NGB: variants seen among roughly 807,000 people sequenced by gnomAD.
NGB encodes the protein neuroglobin, also known as nitrite reductase.
A neutral mutation model predicts 17.3 loss-of-function variants in NGB; 12 were observed. The ratio of observed to expected loss-of-function variants is 0.69; its 90% CI spans 0.45 to 1.13. NGB has a LOEUF of 1.13. Among genes scored for constraint, NGB ranks in the 50% most tolerant of loss-of-function variants. The probability of loss-of-function intolerance (pLI) is 0.00; values close to 1 mark genes in which losing one functional copy is unlikely to be tolerated. For missense variants in NGB, 195 were observed against 191.7 expected (o/e 1.02, Z -0.10); for synonymous variants, 87 against 81.0 (o/e 1.07, Z -0.40).
In NGB at chr14:77,269,288, T is replaced by C. The variant is rs770033097; in HGVS notation, c.128A>G (p.Gln43Arg). ...ALEPDLLPLF[Q>R]YNCRQFSSPE... The stretch of plus-strand genomic sequence containing the variant: ...GCTGGAGAACTGGCGGCAGTTGTAC[T>C]GGAAGAGGGGCAGCAGGTCAGGCTC... Residue 43 changes from glutamine (Q) to arginine (R), a missense_variant, in exon 2 of 4, where the codon CAG becomes CGG. Physicochemically the swap from Gln to Arg is conservative, Grantham distance 43. Transcript: ENST00000298352. 1.9e-5 allele frequency: 29 copies of C among 1,551,632 alleles called. No individual in the cohort carries two copies. Among genetic ancestry groups the C allele is most frequent in the Non-Finnish European group, 2.3e-5 (26 of 1,146,920 alleles).
At chr14:77,266,833 G>T (rs1889679384) in intron 3 of NGB, among the ~76,000 whole-genome samples, 163 bp from the exon 4 acceptor site, 1 of 152,088 alleles carries the variant, frequency 6.6e-6, no homozygotes, top group Non-Finnish European at 1.5e-5. Flanking sequence ...CCAAATCCTT[G>T]GGTATCACAT....
chr14:77,269,427 G>T, intron 1 of NGB, 101 bp from the exon 2 acceptor site: 1 of 723,952 alleles, frequency 1.4e-6, no homozygotes, highest in East Asian at 2.8e-5. Context: ...TGCCAAGCCA[G>T]GTCTCAGCTG....
In NGB at chr14:77,265,953, T is replaced by C. The variant is rs1327703286; in HGVS notation, c.*583A>G. On this transcript the variant is annotated 3_prime_UTR_variant, in exon 4 of 4. Coordinates refer to ENST00000298352, the MANE Select transcript of NGB (RefSeq NM_021257.4). The surrounding 1 kb of genome is among the most constrained non-coding windows in gnomAD (Gnocchi z 4.7). Reference sequence around the variant, plus strand: ...ATCTGCACAGCCCGCGAGACTCAAATGAGACCCATTGAGACCCAGGTCCCC... The same window carrying C: ...ATCTGCACAGCCCGCGAGACTCAAACGAGACCCATTGAGACCCAGGTCCCC... The C allele has an allele frequency of 7.5e-6, 2 of 267,264 alleles. No homozygotes were observed. Among genetic ancestry groups the C allele is most frequent in the South Asian group, 4.1e-5 (1 of 24,266 alleles). 16.6% of individuals were successfully genotyped at this position (267,264 alleles called of 1,614,324 possible). A position where few individuals can be genotyped will look rare whatever the true frequency, so the allele number is the denominator to read the frequency against.
Position 77,269,387 on chromosome 14 carries a change from C to G in NGB, c.90-61G>C. 5 of 1,169,016 alleles carry G rather than the reference C, an allele frequency of 4.3e-6. No homozygotes were observed. In the South Asian group the frequency reaches 6.7e-5, roughly 16 times the overall value. 72.4% of individuals were successfully genotyped at this position (1,169,016 alleles called of 1,614,324 possible). A position where few individuals can be genotyped will look rare whatever the true frequency, so the allele number is the denominator to read the frequency against. The stretch of plus-strand genomic sequence containing the variant: ...GTGAGCTCCTGCAAGCCCCAGCAAG[C>G]CTGGCTGTCCTGCAGTCAGCGGGCG... On this transcript the variant is annotated intron_variant, in intron 1 of 3. Transcript: ENST00000298352.
rs1322964648 is a variant in NGB, at chr14:77,270,881, G to C, written c.57C>G (p.Ser19Arg). Residue 19 changes from serine (S) to arginine (R), a missense_variant, in exon 1 of 4, where the codon AGC becomes AGG. Ser to Arg is a moderately radical substitution (Grantham distance 110). Coordinates refer to ENST00000298352, the MANE Select transcript of NGB (RefSeq NM_021257.4). ...IRQSWRAVSR[S>R]PLEHGTVLFA... The stretch of plus-strand genomic sequence containing the variant: ...ACAGGACGGTGCCGTGCTCCAGCGG[G>C]CTGCGGCTCACTGCCCGCCAGCTCT... 1 of 1,586,110 alleles carries C rather than the reference G, an allele frequency of 6.3e-7. No individual in the cohort carries two copies. Among genetic ancestry groups the C allele is most frequent in the South Asian group, 1.1e-5 (1 of 88,870 alleles).
chr14:77,271,005 G>C lies in NGB; in HGVS notation c.-68C>G. On this transcript the variant is annotated 5_prime_UTR_variant, in exon 1 of 4. Coordinates refer to ENST00000298352, the MANE Select transcript of NGB (RefSeq NM_021257.4). ...CTCGGGTGCCGTCACCGCACGTGCC[G>C]CGCCATCTCCTCCGCGACGCGGTCC... The C allele has an allele frequency of 8.3e-7, 1 of 1,206,972 alleles. No homozygotes were observed. Among genetic ancestry groups the C allele is most frequent in the East Asian group, 3.0e-5 (1 of 33,208 alleles). The allele number at this position is 1,206,972 out of a possible 1,614,324, so 74.8% of individuals were successfully genotyped here. A position where few individuals can be genotyped will look rare whatever the true frequency, so the allele number is the denominator to read the frequency against.
At chr14:77,270,739 C>A (rs1413594403) in intron 1 of NGB, 110 bp downstream of exon 1, 17 of 992,424 alleles carry the variant, frequency 1.7e-5, no homozygotes, top group Non-Finnish European at 2.1e-5. Flanking sequence ...GGCGCCCCAG[C>A]GCCCCGGCAG....
intron 1 of NGB, among the ~76,000 whole-genome samples, chr14:77,269,684 CT>C (rs1163766210): frequency 0.3 from 829 of 2,778 alleles, 8 homozygotes; most frequent in Non-Finnish European, 0.38. Context: ...CTCTCTCTCT[CT>C]CTCTCTCTCT....
At chr14:77,269,994 A>C (rs981731104) in intron 1 of NGB, among the ~76,000 whole-genome samples, 2 of 151,846 alleles carry the variant, frequency 1.3e-5, no homozygotes, top group Admixed American at 6.6e-5. Context: ...CGGGTGCCTG[A>C]GAAAAAAGTG....
At position 77,270,860 on chromosome 14, in the gene NGB, G is replaced by A. The variant is rs1463383647; in HGVS notation, c.78C>T (p.Val26=). Reference sequence around the variant, plus strand: ...CGTGTAGCCCTCACCTGGCAAACAGGACGGTGCCGTGCTCCAGCGGGCTGC... The same window carrying A: ...CGTGTAGCCCTCACCTGGCAAACAGAACGGTGCCGTGCTCCAGCGGGCTGC... ...VSRSPLEHGT[V]LFARLFALEP... Residue 26 remains valine, a synonymous_variant, in exon 1 of 4, where the codon GTC becomes GTT. Coordinates refer to ENST00000298352, the MANE Select transcript of NGB (RefSeq NM_021257.4). 1.3e-6 allele frequency: 2 copies of A among 1,585,526 alleles called. No homozygotes were observed. The highest frequency in any genetic ancestry group is 2.3e-5 in the South Asian group (2 of 88,746).
Position 77,268,690 on chromosome 14 carries a change from G to T in NGB, c.202-105C>A, listed in dbSNP as rs375115410. 7 of 1,472,666 alleles carry T rather than the reference G, an allele frequency of 4.8e-6. 1 individual carries two copies. In the African/African-American group the frequency reaches 5.6e-5, roughly 12 times the overall value. 91.2% of individuals were successfully genotyped at this position (1,472,666 alleles called of 1,614,324 possible). The stretch of plus-strand genomic sequence containing the variant: ...GTCCCAAAGCAAGAGAGGCCAGTAG[G>T]ACCCTCAGTTCTCCAAGATCAGGGG... On this transcript the variant is annotated intron_variant, in intron 2 of 3. Transcript: ENST00000298352.
chr14:77,267,136 T>C (rs1889684534), intron 3 of NGB, among the ~76,000 whole-genome samples: 1 of 152,232 alleles, frequency 6.6e-6, no homozygotes, highest in Non-Finnish European at 1.5e-5. Flanking sequence ...CCTCAGCTGC[T>C]TCATCAGTGA....
intron 1 of NGB, among the ~76,000 whole-genome samples, chr14:77,270,308 C>T (rs1889753487): frequency 6.6e-6 from 1 of 152,170 alleles, no homozygotes; most frequent in South Asian, 2.1e-4. Flanking sequence ...CATCTGTCAC[C>T]CCTTCCCCGG....
Position 77,266,451 on chromosome 14 carries a change from G to T in NGB, c.*85C>A. ...CCAAGGGGACAAGGACCAAGATGCAGGGAAGCTTGGGGAGCCTGGGCTACA... is the reference window on the plus strand; with the variant it reads ...CCAAGGGGACAAGGACCAAGATGCATGGAAGCTTGGGGAGCCTGGGCTACA... On this transcript the variant is annotated 3_prime_UTR_variant, in exon 4 of 4. Coordinates refer to ENST00000298352, the MANE Select transcript of NGB (RefSeq NM_021257.4). The T allele has an allele frequency of 6.4e-7, 1 of 1,551,878 alleles. No individual in the cohort carries two copies.
At position 77,270,278 on chromosome 14, in the gene NGB, C is replaced by G. The variant is rs768565216; in HGVS notation, c.89+571G>C. ...CGGCCTGCACACCCCCCACCCCTCTCCCCTGCGGTGAGGCTCCCGCATCTG... is the reference window on the plus strand; with the variant it reads ...CGGCCTGCACACCCCCCACCCCTCTGCCCTGCGGTGAGGCTCCCGCATCTG... On this transcript the variant is annotated intron_variant, in intron 1 of 3. Coordinates refer to ENST00000298352, the MANE Select transcript of NGB (RefSeq NM_021257.4). 6.8e-4 allele frequency among the ~76,000 whole-genome samples: 104 copies of G among 152,046 alleles called. 1 individual carries two copies. Among genetic ancestry groups the G allele is most frequent in the Non-Finnish European group, 8.7e-4 (59 of 67,994 alleles).
At chr14:77,268,762 G>A (rs1889709505) in intron 2 of NGB, among the ~76,000 whole-genome samples, 177 bp from the exon 3 acceptor site, 2 of 152,184 alleles carry the variant, frequency 1.3e-5, no homozygotes, top group South Asian at 4.1e-4. Context: ...CCCGATACGT[G>A]GTGGCCAAAC....
At position 77,268,453 on chromosome 14, in the gene NGB, C is replaced by A. The variant is rs774212733; in HGVS notation, c.321+13G>T. 2 of 1,609,426 alleles carry A rather than the reference C, an allele frequency of 1.2e-6. No homozygotes were observed. The highest frequency in any genetic ancestry group is 8.5e-7 in the Non-Finnish European group (1 of 1,179,666). The stretch of plus-strand genomic sequence containing the variant: ...CCAGGAGCTCTGGAGAGAGTCAGAG[C>A]TCCTTTACCCACCGAGAAGGAGCTG... On this transcript the variant is annotated intron_variant, in intron 3 of 3. Transcript: ENST00000298352.
chr14:77,268,746 G>T (rs534153252), intron 2 of NGB, among the ~76,000 whole-genome samples, 161 bp from the exon 3 acceptor site: 4 of 152,194 alleles, frequency 2.6e-5, no homozygotes, highest in Non-Finnish European at 5.9e-5. Context: ...CTACATGTAG[G>T]GGGCACCCGA....
Position 77,268,480 on chromosome 14 carries a change from G to T in NGB, c.307C>A (p.Leu103Ile). Residue 103 changes from leucine (L) to isoleucine (I), a missense_variant, in exon 3 of 4, where the codon CTC becomes ATC. Transcript: ENST00000298352. ...CCTTTACCCACCGAGAAGGAGCTGA[G>T]CTTCACACCCACTGCCCGGTGCTTC... ...GRKHRAVGVK[L>I]SSFSTVGESL... is the part of the protein sequence containing the mutation. The T allele has an allele frequency of 6.2e-7, 1 of 1,613,146 alleles. No homozygotes were observed. Among genetic ancestry groups the T allele is most frequent in the African/African-American group, 1.3e-5 (1 of 75,014 alleles).
Sources: allele counts gnomAD v4.1 joint callset (sites outside exome capture counted in the v4.1 genomes callset), GRCh38; gene constraint gnomAD v4.1.1; non-coding constraint Gnocchi (gnomAD v3.1); transcripts MANE v1.5; gene names NCBI Gene and HGNC (gene_info 2026-07-23, HGNC 2026-07-21).